Variants in SPMIP3 observed in about 807,000 individuals in gnomAD.
SPMIP3 encodes the protein sperm microtubule inner protein 3, also known as protein SPMIP3.
chr1:244,368,178 C>T, the SPMIP3 span, among the ~76,000 whole-genome samples: 3 of 152,224 alleles, frequency 2.0e-5, no homozygotes, highest in African/African-American at 7.2e-5. Flanking sequence ...AGGCTGGTCT[C>T]GAACTCCTGA....
At chr1:244,365,116 C>T in the SPMIP3 span, among the ~76,000 whole-genome samples, 1 of 152,158 alleles carries the variant, frequency 6.6e-6, no homozygotes, top group East Asian at 1.9e-4. Flanking sequence ...AAGAGTGATA[C>T]AGAAGGGATA....
At chr1:244,358,216 C>A in the SPMIP3 span, among the ~76,000 whole-genome samples, 1 of 151,036 alleles carries the variant, frequency 6.6e-6, no homozygotes, top group African/African-American at 2.4e-5. Flanking sequence ...GGTGACAGAG[C>A]CAGACTCTGT....
At chr1:244,377,996 G>A in the SPMIP3 span, among the ~76,000 whole-genome samples, 1 of 151,974 alleles carries the variant, frequency 6.6e-6, no homozygotes, top group Admixed American at 6.6e-5. Flanking sequence ...TTGTAGAGAT[G>A]GGTTTTCACC....
the SPMIP3 span, among the ~76,000 whole-genome samples, chr1:244,354,285 G>A: frequency 6.6e-6 from 1 of 151,218 alleles, no homozygotes; most frequent in Non-Finnish European, 1.5e-5. Flanking sequence ...GGGCCCATAA[G>A]TTGATTAAAT....
the SPMIP3 span, among the ~76,000 whole-genome samples, chr1:244,387,833 G>C: frequency 6.6e-6 from 1 of 152,028 alleles, no homozygotes; most frequent in Admixed American, 6.6e-5. Context: ...GTTGGTGAGA[G>C]AGTGGTCAAG....
At chr1:244,382,066 G>A in the SPMIP3 span, among the ~76,000 whole-genome samples, 1 of 152,238 alleles carries the variant, frequency 6.6e-6, no homozygotes, top group Admixed American at 6.5e-5. Flanking sequence ...CATGCTGGAA[G>A]CTGGTGACCC....
chr1:244,389,404 A>T, the SPMIP3 span: 1 of 166,720 alleles, frequency 6.0e-6, no homozygotes, highest in African/African-American at 2.4e-5. Flanking sequence ...AAATAAAAAA[A>T]AGAACCGGGG....
chr1:244,382,460 G>A, the SPMIP3 span, among the ~76,000 whole-genome samples: 11 of 152,170 alleles, frequency 7.2e-5, 1 homozygote, highest in African/African-American at 2.7e-4. Flanking sequence ...AAGGAGACCA[G>A]TGTTGTTTGG....
At chr1:244,382,188 G>A in the SPMIP3 span, among the ~76,000 whole-genome samples, 1 of 150,976 alleles carries the variant, frequency 6.6e-6, no homozygotes, top group Non-Finnish European at 1.5e-5. Context: ...TGACATTCTG[G>A]TGGGGGATAT....
At chr1:244,375,381 C>A in the SPMIP3 span, 1 of 1,613,254 alleles carries the variant, frequency 6.2e-7, no homozygotes, top group Admixed American at 1.7e-5. Context: ...GTATATTCAT[C>A]GCTCACCAAG....
At chr1:244,380,133 T>C in the SPMIP3 span, among the ~76,000 whole-genome samples, 2 of 64,104 alleles carry the variant, frequency 3.1e-5, no homozygotes, top group Admixed American at 1.8e-4. Context: ...CTTTTTTTTT[T>C]TTTTTTTTTT....
the SPMIP3 span, among the ~76,000 whole-genome samples, chr1:244,359,657 A>G: frequency 3.9e-5 from 6 of 152,028 alleles, no homozygotes; most frequent in East Asian, 1.2e-3. Context: ...CAGGAGGCGG[A>G]GGCTACAGTG....
chr1:244,366,539 A>G, the SPMIP3 span, among the ~76,000 whole-genome samples: 1 of 152,258 alleles, frequency 6.6e-6, no homozygotes, highest in African/African-American at 2.4e-5. Context: ...CAGAAACTAC[A>G]GAAGGAGTGA....
the SPMIP3 span, among the ~76,000 whole-genome samples, chr1:244,361,235 C>CTTTTCTTTT: frequency 2.5e-5 from 3 of 119,314 alleles, no homozygotes; most frequent in Non-Finnish European, 5.1e-5. Context: ...TTCTTTCTTT[C>CTTTTCTTTT]TTTTTTTTTT....
At chr1:244,388,965 T>C in the SPMIP3 span, 6 of 1,613,374 alleles carry the variant, frequency 3.7e-6, no homozygotes. Context: ...GAACCAGAAA[T>C]TAGCCACAGT....
chr1:244,374,234 C>T, the SPMIP3 span, among the ~76,000 whole-genome samples: 1 of 152,120 alleles, frequency 6.6e-6, no homozygotes, highest in African/African-American at 2.4e-5. Flanking sequence ...TACCACCCAC[C>T]CTTGTCCCAC....
At chr1:244,366,430 G>C in the SPMIP3 span, among the ~76,000 whole-genome samples, 6 of 152,334 alleles carry the variant, frequency 3.9e-5, no homozygotes, top group African/African-American at 1.2e-4. Flanking sequence ...ATCACAAAGT[G>C]TGGGATTATG....
the SPMIP3 span, chr1:244,375,465 C>T: frequency 6.2e-7 from 1 of 1,611,842 alleles, no homozygotes; most frequent in East Asian, 2.2e-5. Context: ...AGAGAGCTCC[C>T]AGGTGAGACA....
the SPMIP3 span, among the ~76,000 whole-genome samples, chr1:244,380,835 G>A: frequency 1.2e-4 from 19 of 152,096 alleles, no homozygotes; most frequent in East Asian, 7.7e-4. Flanking sequence ...AAAAGGGAGG[G>A]AGAGGTGGAT....
Sources: gnomAD v4.1 joint callset for allele counts (sites outside exome capture counted in the v4.1 genomes callset) on GRCh38, gnomAD v4.1.1 for gene constraint, MANE v1.5 for transcripts, NCBI Gene and HGNC (gene_info 2026-07-23, HGNC 2026-07-21) for gene names.